GABRA3: variants seen among roughly 807,000 people sequenced by gnomAD.
GABRA3 encodes the protein gamma-aminobutyric acid type A receptor subunit alpha3, also known as gamma-aminobutyric acid receptor subunit alpha-3.
In GABRA3, 10 loss-of-function variants were observed where a neutral mutation model predicts 30.1. The ratio of observed to expected loss-of-function variants is 0.33; its 90% CI spans 0.20 to 0.56. The LOEUF (loss-of-function observed/expected upper bound fraction) is 0.56. Among genes scored for constraint, GABRA3 ranks in the 20% least tolerant of loss-of-function variants. The pLI is 0.89. For missense variants in GABRA3, 233 were observed against 392.0 expected, an observed-to-expected ratio of 0.59 and a Z score of 3.42; for synonymous variants, 151 against 146.8, an observed-to-expected ratio of 1.03 and a Z score of -0.21.
Position 152,393,591 on chromosome X carries a change from A to G in GABRA3, c.-26-28995T>C, listed in dbSNP as rs115727861. The stretch of plus-strand genomic sequence containing the variant: ...GAATATGCCCAGATGGACAGGACAT[A>G]TGAATAAAGGAAACATAACACATGA... On this transcript the variant is annotated intron_variant, in intron 1 of 9. Coordinates refer to ENST00000370314, the MANE Select transcript of GABRA3 (RefSeq NM_000808.4). The G allele has an allele frequency of 8.2e-3, 2,283 of 277,912 alleles. 60 individuals carry two copies. The highest frequency in any genetic ancestry group is 0.06 in the African/African-American group (2,065 of 34,702). The allele number at this position is 277,912 out of a possible 1,213,427, so 22.9% of individuals were successfully genotyped here.
chrX:152,305,435 A>G (rs1311100021), intron 3 of GABRA3, among the ~76,000 whole-genome samples: 1 of 110,847 alleles, frequency 9.0e-6, no homozygotes, highest in Non-Finnish European at 1.9e-5. Flanking sequence ...AAAAAAAAAA[A>G]TTATTGTCCC....
chrX:152,414,844 C>T (rs1210109540), intron 1 of GABRA3, among the ~76,000 whole-genome samples: 1 of 72,675 alleles, frequency 1.4e-5, no homozygotes, highest in Non-Finnish European at 2.7e-5. Flanking sequence ...AAAAAATGAG[C>T]TATCGAACCA....
chrX:152,189,093 A>G (rs1169090705), intron 9 of GABRA3, among the ~76,000 whole-genome samples: 1 of 112,283 alleles, frequency 8.9e-6, no homozygotes, highest in Non-Finnish European at 1.9e-5. Context: ...AGAGGCAGAC[A>G]AGCTCTTGCC....
intron 8 of GABRA3, among the ~76,000 whole-genome samples, chrX:152,191,681 G>C (rs1937326774): frequency 9.2e-6 from 1 of 108,575 alleles, no homozygotes; most frequent in Non-Finnish European, 1.9e-5. Context: ...AAGCCTCTGG[G>C]GCTTCCTTTT....
In GABRA3 at chrX:152,297,555, C is replaced by A. The variant is rs367942035; in HGVS notation, c.263-12820G>T. On this transcript the variant is annotated intron_variant, in intron 3 of 9. Transcript: ENST00000370314. ...TTGGTTACTTATACTGATACTTACC[C>A]AGAATGTAATGGGAAAAGCACTGCA... 1.5e-4 allele frequency among the ~76,000 whole-genome samples: 17 copies of A among 112,106 alleles called. 1 individual carries two copies. The South Asian group carries it at 6.3e-3, about 42-fold the overall frequency.
At chrX:152,194,017 A>G (rs1937356143) in intron 8 of GABRA3, among the ~76,000 whole-genome samples, 1 of 112,102 alleles carries the variant, frequency 8.9e-6, no homozygotes, top group African/African-American at 3.2e-5. Context: ...TAAAATAAAT[A>G]ACGTTAATTG....
At chrX:152,325,022 G>A (rs1214106490) in intron 3 of GABRA3, among the ~76,000 whole-genome samples, 1 of 111,569 alleles carries the variant, frequency 9.0e-6, no homozygotes. Flanking sequence ...TAGTCCTGTT[G>A]TTCTGTGAGA....
chrX:152,261,720 TTGAG>T (rs1353527700), intron 4 of GABRA3, among the ~76,000 whole-genome samples: 1 of 111,093 alleles, frequency 9.0e-6, no homozygotes, highest in East Asian at 2.9e-4. Context: ...TGGGCTGGAG[TTGAG>T]TGTCTGTGGC....
intron 5 of GABRA3, among the ~76,000 whole-genome samples, chrX:152,227,933 T>C (rs1369239681): frequency 3.6e-5 from 4 of 111,245 alleles, no homozygotes; most frequent in African/African-American, 1.3e-4. Context: ...ATATGAGAGA[T>C]GCTCTAGTTA....
intron 1 of GABRA3, among the ~76,000 whole-genome samples, chrX:152,395,821 A>G (rs1312898627): frequency 8.9e-6 from 1 of 112,432 alleles, no homozygotes; most frequent in Admixed American, 9.4e-5. Context: ...GATAACCATG[A>G]CATAGAAGTT....
chrX:152,276,170 A>C (rs1939081290), intron 4 of GABRA3, among the ~76,000 whole-genome samples: 1 of 111,628 alleles, frequency 9.0e-6, no homozygotes, highest in Non-Finnish European at 1.9e-5. Flanking sequence ...AATATGAAGA[A>C]ACAAGGTTGC....
At chrX:152,241,522 G>A (rs1422194187) in intron 5 of GABRA3, among the ~76,000 whole-genome samples, 1 of 107,563 alleles carries the variant, frequency 9.3e-6, no homozygotes, top group East Asian at 2.9e-4. Flanking sequence ...TTGAGCTGTG[G>A]TGGGCTCCAC....
intron 6 of GABRA3, among the ~76,000 whole-genome samples, chrX:152,209,286 G>A (rs2047986230): frequency 1.8e-5 from 2 of 111,223 alleles, no homozygotes; most frequent in Admixed American, 9.6e-5. Context: ...GAAATGAGGT[G>A]GGGTTATTTA....
At chrX:152,278,468 CATGCTGTAT>C (rs1346994328) in intron 4 of GABRA3, among the ~76,000 whole-genome samples, 1 of 111,519 alleles carries the variant, frequency 9.0e-6, no homozygotes, top group Non-Finnish European at 1.9e-5. Flanking sequence ...CATAGTATTC[CATGCTGTAT>C]ATGTGCCATA....
intron 1 of GABRA3, among the ~76,000 whole-genome samples, chrX:152,394,742 A>C (rs1929607706): frequency 8.9e-6 from 1 of 112,341 alleles, no homozygotes; most frequent in African/African-American, 3.2e-5. Context: ...TGTTTATATT[A>C]TCATGGAGAA....
At chrX:152,428,516 C>G (rs1460564688) in intron 1 of GABRA3, among the ~76,000 whole-genome samples, 1 of 112,075 alleles carries the variant, frequency 8.9e-6, no homozygotes, top group Non-Finnish European at 1.9e-5. Flanking sequence ...AGACTAGACA[C>G]AAAAACAGAG....
At chrX:152,234,058 AG>A (rs1398756139) in intron 5 of GABRA3, among the ~76,000 whole-genome samples, 2 of 39,610 alleles carry the variant, frequency 5.0e-5, no homozygotes, top group South Asian at 2.4e-3. Context: ...GGGTGGGGGG[AG>A]GGGGGAGGGA....
intron 3 of GABRA3, among the ~76,000 whole-genome samples, chrX:152,286,204 A>T (rs1939294723): frequency 1.1e-5 from 1 of 95,109 alleles, no homozygotes; most frequent in South Asian, 4.7e-4. Flanking sequence ...ATACATCCAG[A>T]ACAGCAGCTA....
At chrX:152,183,986 T>C (rs2124341255) in intron 9 of GABRA3, among the ~76,000 whole-genome samples, 1 of 111,008 alleles carries the variant, frequency 9.0e-6, no homozygotes, top group East Asian at 2.8e-4. Context: ...TACCTTTCCT[T>C]TCACATTCTT....
Sources: allele counts gnomAD v4.1 joint callset (sites outside exome capture counted in the v4.1 genomes callset), GRCh38; gene constraint gnomAD v4.1.1; transcripts MANE v1.5; gene names NCBI Gene and HGNC (gene_info 2026-07-23, HGNC 2026-07-21).